The following ASTN2 variants were observed in gnomAD, a reference collection of about 807,000 sequenced individuals.
The protein encoded by ASTN2 is astrotactin 2, also known as astrotactin-2.
Under a neutral mutation model 139.8 loss-of-function variants are expected in ASTN2, and 54 were observed. The ratio of observed to expected loss-of-function variants is 0.39; its 90% CI spans 0.31 to 0.48. The LOEUF (loss-of-function observed/expected upper bound fraction) is 0.48, where lower values mean the gene tolerates loss of function less well. Among genes scored for constraint, ASTN2 ranks in the 20% least tolerant of loss-of-function variants. The pLI, the probability that ASTN2 is intolerant of heterozygous loss-of-function variation, is 0.95. For missense variants in ASTN2, 1,565 were observed against 1,725.1 expected (o/e 0.91, Z 1.64); for synonymous variants, 756 against 719.5 (o/e 1.05, Z -0.81).
intron 4 of ASTN2, among the ~76,000 whole-genome samples, chr9:117,102,656 G>A (rs1829008305): frequency 6.6e-6 from 1 of 152,180 alleles, no homozygotes; most frequent in Non-Finnish European, 1.5e-5. Flanking sequence ...CTGAGTAGCT[G>A]GGATTACAGG....
At chr9:117,287,344 T>C (rs1245028301) in intron 2 of ASTN2, among the ~76,000 whole-genome samples, 2 of 152,224 alleles carry the variant, frequency 1.3e-5, no homozygotes, top group Non-Finnish European at 2.9e-5. Context: ...AAAATACCCA[T>C]GGATTCCACA....
intron 5 of ASTN2, among the ~76,000 whole-genome samples, chr9:117,080,544 A>G (rs1828399736): frequency 6.6e-6 from 1 of 152,232 alleles, no homozygotes; most frequent in South Asian, 2.1e-4. Context: ...AGGATAAGAA[A>G]GAGTGTGCAG....
At chr9:116,711,543 G>A (rs1214555321) in intron 16 of ASTN2, among the ~76,000 whole-genome samples, 3 of 152,122 alleles carry the variant, frequency 2.0e-5, no homozygotes, top group Non-Finnish European at 4.4e-5. Flanking sequence ...CCAGATTGGT[G>A]TATACCCAGC....
chr9:117,211,868 C>T (rs61474844), intron 3 of ASTN2, among the ~76,000 whole-genome samples: 3,163 of 151,716 alleles, frequency 0.021, 103 homozygotes, highest in African/African-American at 0.072. Flanking sequence ...AAGATCTCTA[C>T]AAGAAAAATA....
At chr9:116,873,869 C>T (rs1177209741) in intron 10 of ASTN2, among the ~76,000 whole-genome samples, 1 of 152,166 alleles carries the variant, frequency 6.6e-6, no homozygotes, top group Non-Finnish European at 1.5e-5. Flanking sequence ...GACATGTCTG[C>T]TCCCCCTTCC....
chr9:117,155,618 T>G (rs1030536097), intron 3 of ASTN2, among the ~76,000 whole-genome samples: 2 of 152,046 alleles, frequency 1.3e-5, no homozygotes, highest in African/African-American at 4.8e-5. Flanking sequence ...CCAGGCACTG[T>G]TCTGATAAGG....
At chr9:116,812,703 A>G (rs997795672) in intron 12 of ASTN2, among the ~76,000 whole-genome samples, 1 of 152,142 alleles carries the variant, frequency 6.6e-6, no homozygotes, top group Non-Finnish European at 1.5e-5. Flanking sequence ...ACAGAAGTTG[A>G]GTGACTTGCC....
intron 2 of ASTN2, among the ~76,000 whole-genome samples, chr9:117,281,713 G>A (rs529938882): frequency 9.9e-5 from 15 of 152,146 alleles, no homozygotes; most frequent in Non-Finnish European, 1.9e-4. Context: ...CAACCTGTCC[G>A]CCCCTCCCCA....
chr9:116,479,423 G>C (rs1293455512), intron 20 of ASTN2, among the ~76,000 whole-genome samples: 4 of 152,188 alleles, frequency 2.6e-5, no homozygotes, highest in Admixed American at 2.0e-4. Flanking sequence ...AGGAGAGGTG[G>C]TGTCCTGAGG....
chr9:117,297,277 A>G (rs1834759269), intron 1 of ASTN2, among the ~76,000 whole-genome samples: 1 of 152,110 alleles, frequency 6.6e-6, no homozygotes, highest in Non-Finnish European at 1.5e-5. Flanking sequence ...CATGAGATGA[A>G]CTCACCGCCC....
chr9:116,556,827 T>C (rs1852642637), intron 19 of ASTN2, among the ~76,000 whole-genome samples: 1 of 152,188 alleles, frequency 6.6e-6, no homozygotes, highest in African/African-American at 2.4e-5. Flanking sequence ...CCTAGAAAGC[T>C]GAAGTCATTA....
At chr9:116,440,358 A>G (rs940534949) in intron 22 of ASTN2, among the ~76,000 whole-genome samples, 1 of 152,164 alleles carries the variant, frequency 6.6e-6, no homozygotes, top group Non-Finnish European at 1.5e-5. Context: ...GAGATGAGCA[A>G]GGAGAATGAT....
At chr9:117,260,227 C>T (rs1057244985) in intron 2 of ASTN2, among the ~76,000 whole-genome samples, 1 of 152,154 alleles carries the variant, frequency 6.6e-6, no homozygotes, top group African/African-American at 2.4e-5. Flanking sequence ...AATGGCTTCA[C>T]CTTCACCAAC....
intron 8 of ASTN2, 138 bp downstream of exon 8, chr9:116,976,563 C>A: frequency 1.5e-6 from 1 of 668,252 alleles, no homozygotes. Context: ...GATTCACTTC[C>A]CATTGGGTTT....
chr9:116,490,303 A>AAAAAAAAAAAAAAAAAAAT (rs1564314423), intron 19 of ASTN2, among the ~76,000 whole-genome samples: 1 of 104,578 alleles, frequency 9.6e-6, no homozygotes. Flanking sequence ...AAAAAAAAAA[A>AAAAAAAAAAAAAAAAAAAT]GGGGGCATTG....
At chr9:117,242,387 C>T (rs1391365929) in intron 2 of ASTN2, among the ~76,000 whole-genome samples, 2 of 152,100 alleles carry the variant, frequency 1.3e-5, no homozygotes, top group African/African-American at 4.8e-5. Flanking sequence ...GCTCTGAGTT[C>T]TTAGTACTTG....
intron 11 of ASTN2, among the ~76,000 whole-genome samples, chr9:116,859,107 C>T (rs1832813929): frequency 6.6e-6 from 1 of 152,202 alleles, no homozygotes; most frequent in African/African-American, 2.4e-5. Context: ...GCTGGCAACG[C>T]TGCCTCTCTC....
chr9:117,218,459 A>G (rs1305884778), intron 2 of ASTN2, among the ~76,000 whole-genome samples: 1 of 152,178 alleles, frequency 6.6e-6, no homozygotes, highest in East Asian at 1.9e-4. Flanking sequence ...TCTGGGGCTC[A>G]TCGTGCCACT....
chr9:116,599,563 A>G (rs1854763559), intron 19 of ASTN2, among the ~76,000 whole-genome samples: 2 of 152,156 alleles, frequency 1.3e-5, no homozygotes, highest in South Asian at 4.1e-4. Context: ...CAATTCACAT[A>G]TGGAAAATGT....
Sources: gnomAD v4.1 joint callset for allele counts (sites outside exome capture counted in the v4.1 genomes callset) on GRCh38, gnomAD v4.1.1 for gene constraint, MANE v1.5 for transcripts, NCBI Gene and HGNC (gene_info 2026-07-23, HGNC 2026-07-21) for gene names.